ROBO1: variants seen among roughly 807,000 people sequenced by gnomAD.
The protein encoded by ROBO1 is roundabout homolog 1.
A neutral mutation model predicts 195.9 loss-of-function variants in ROBO1; 149 were observed. The observed-to-expected ratio is 0.76, with a 90% CI of 0.67 to 0.87. The LOEUF is 0.87. Ranked by LOEUF, ROBO1 falls within the 40% of genes least tolerant of loss-of-function variation. The pLI, the probability that ROBO1 is intolerant of heterozygous loss-of-function variation, is 0.00. For synonymous variants in ROBO1, 816 were observed against 733.2 expected (o/e 1.11, Z -1.82); for missense variants, 1,933 against 2,068.3 (o/e 0.93, Z 1.27).
At chr3:79,379,623 G>A (rs528924507) in intron 2 of ROBO1, among the ~76,000 whole-genome samples, 4 of 152,096 alleles carry the variant, frequency 2.6e-5, no homozygotes, top group South Asian at 4.1e-4. Context: ...CACTTACATC[G>A]TAATTCACAC....
chr3:79,579,977 T>C (rs1006632891), intron 2 of ROBO1, among the ~76,000 whole-genome samples: 2 of 152,048 alleles, frequency 1.3e-5, no homozygotes, highest in Non-Finnish European at 2.9e-5. Flanking sequence ...TTGAGTTGCA[T>C]GTCAAGCTAA....
At chr3:78,853,486 T>C (rs1576292633) in intron 4 of ROBO1, among the ~76,000 whole-genome samples, 2 of 149,812 alleles carry the variant, frequency 1.3e-5, no homozygotes, top group African/African-American at 2.4e-5. Flanking sequence ...TATGTATGTA[T>C]GTATTTATTT....
chr3:79,696,494 A>G (rs1258301336), intron 1 of ROBO1, among the ~76,000 whole-genome samples: 2 of 150,282 alleles, frequency 1.3e-5, no homozygotes, highest in African/African-American at 4.9e-5. Flanking sequence ...ATATATACAG[A>G]TATATATGAG....
intron 4 of ROBO1, among the ~76,000 whole-genome samples, chr3:78,861,913 GC>G (rs2034866875): frequency 6.6e-6 from 1 of 152,158 alleles, no homozygotes; most frequent in African/African-American, 2.4e-5. Context: ...CCTGCCTATG[GC>G]TTATATTTAG....
intron 9 of ROBO1, among the ~76,000 whole-genome samples, 176 bp downstream of exon 9, chr3:78,688,472 C>T (rs76236418): frequency 0.011 from 1,634 of 152,222 alleles, 37 homozygotes; most frequent in African/African-American, 0.037. Flanking sequence ...AGAATTCAAG[C>T]GGTGAAGACA....
At chr3:79,073,235 C>T (rs1335992294) in intron 3 of ROBO1, among the ~76,000 whole-genome samples, 1 of 151,900 alleles carries the variant, frequency 6.6e-6, no homozygotes, top group Non-Finnish European at 1.5e-5. Context: ...TAGCGTCTCC[C>T]ATTTTAGTAA....
intron 3 of ROBO1, among the ~76,000 whole-genome samples, chr3:79,061,011 C>A (rs1308976244): frequency 6.6e-6 from 1 of 151,830 alleles, no homozygotes. Flanking sequence ...GCAATCAGGC[C>A]AAGAGAAATA....
At chr3:78,826,316 G>A (rs1404056721) in intron 4 of ROBO1, among the ~76,000 whole-genome samples, 2 of 152,052 alleles carry the variant, frequency 1.3e-5, no homozygotes, top group African/African-American at 2.4e-5. Flanking sequence ...TGAACTTTTT[G>A]TTTATTGAAC....
chr3:79,063,864 A>G (rs1159742071), intron 3 of ROBO1, among the ~76,000 whole-genome samples: 2 of 151,958 alleles, frequency 1.3e-5, no homozygotes, highest in African/African-American at 4.8e-5. Context: ...CACTTAATCT[A>G]ATCCATATGT....
chr3:78,624,753 G>A (rs1704658966), intron 26 of ROBO1, among the ~76,000 whole-genome samples: 1 of 152,048 alleles, frequency 6.6e-6, no homozygotes, highest in Admixed American at 6.6e-5. Context: ...ATGAAAACTG[G>A]TTAGTGTGGT....
At chr3:78,962,601 G>T (rs993137240) in intron 3 of ROBO1, among the ~76,000 whole-genome samples, 1 of 151,846 alleles carries the variant, frequency 6.6e-6, no homozygotes, top group Admixed American at 6.6e-5. Context: ...CGAGGAGGGC[G>T]GATCACGAGG....
At chr3:79,708,096 T>C (rs1182369438) in intron 1 of ROBO1, among the ~76,000 whole-genome samples, 3 of 152,116 alleles carry the variant, frequency 2.0e-5, no homozygotes, top group Admixed American at 6.6e-5. Context: ...ATTGACCATT[T>C]TGCGTTAATG....
At chr3:78,907,296 C>A (rs2037981479) in intron 4 of ROBO1, among the ~76,000 whole-genome samples, 1 of 151,912 alleles carries the variant, frequency 6.6e-6, no homozygotes, top group African/African-American at 2.4e-5. Flanking sequence ...AACAAAACAA[C>A]AACAACAAAA....
chr3:79,611,066 A>G (rs1944642334), intron 1 of ROBO1, among the ~76,000 whole-genome samples: 1 of 152,048 alleles, frequency 6.6e-6, no homozygotes. Flanking sequence ...TACTCCCTAC[A>G]TGGTACAAGA....
intron 4 of ROBO1, among the ~76,000 whole-genome samples, chr3:78,818,733 G>A (rs2030470866): frequency 6.6e-6 from 1 of 152,108 alleles, no homozygotes; most frequent in Admixed American, 6.6e-5. Context: ...CAAGTTCCTC[G>A]GCCTTGGCTT....
chr3:79,235,892 T>C (rs1243285061), intron 2 of ROBO1, among the ~76,000 whole-genome samples: 2 of 152,110 alleles, frequency 1.3e-5, no homozygotes, highest in Non-Finnish European at 2.9e-5. Flanking sequence ...ATAGGTATGG[T>C]ATACTATATT....
rs184327490 is a variant in ROBO1 at position 78,842,264 on chromosome 3, A to G, written c.500-95364T>C. On this transcript the variant is annotated intron_variant, in intron 4 of 30. Coordinates refer to ENST00000464233, the MANE Select transcript of ROBO1 (RefSeq NM_002941.4). ...ATATGAGCCATATATATATTTATAT[A>G]TATGAGCCATATATATATTTATATA... Among the ~76,000 whole-genome samples, 397 of 73,148 alleles carry G rather than the reference A, an allele frequency of 5.4e-3. 41 individuals are homozygous for G. Among genetic ancestry groups the G allele is most frequent in the East Asian group, 0.026 (30 of 1,174 alleles). The allele number at this position is 73,148 out of a possible 152,430, so 48.0% of individuals were successfully genotyped here.
At chr3:79,136,218 A>C (rs1485646327) in intron 2 of ROBO1, among the ~76,000 whole-genome samples, 1 of 152,186 alleles carries the variant, frequency 6.6e-6, no homozygotes, top group African/African-American at 2.4e-5. Flanking sequence ...TGTTGGTTTA[A>C]ATTCAGAATT....
chr3:79,673,885 A>G (rs1226893805), intron 1 of ROBO1, among the ~76,000 whole-genome samples: 1 of 151,992 alleles, frequency 6.6e-6, no homozygotes, highest in Non-Finnish European at 1.5e-5. Flanking sequence ...CCATAAGCTC[A>G]GATGTAAAGA....
Sources: gnomAD v4.1 joint callset for allele counts (sites outside exome capture counted in the v4.1 genomes callset) on GRCh38, gnomAD v4.1.1 for gene constraint, MANE v1.5 for transcripts, NCBI Gene and HGNC (gene_info 2026-07-23, HGNC 2026-07-21) for gene names.